LYN: variants seen among roughly 807,000 people sequenced by gnomAD.
LYN encodes the protein LYN proto-oncogene, Src family tyrosine kinase, also known as tyrosine-protein kinase Lyn.
LYN carries 12 observed loss-of-function variants against 65.0 expected under a neutral mutation model. The ratio of observed to expected loss-of-function variants is 0.18; its 90% CI spans 0.12 to 0.30. LYN has a LOEUF of 0.30. Ranked by LOEUF, LYN falls within the 10% of genes least tolerant of loss-of-function variation. LYN has a pLI of 1.00. For synonymous variants in LYN, 222 were observed against 221.2 expected, an observed-to-expected ratio of 1.00 and a Z score of -0.03; for missense variants, 380 against 623.2, an observed-to-expected ratio of 0.61 and a Z score of 4.16.
intron 8 of LYN, among the ~76,000 whole-genome samples, chr8:55,954,373 G>A (rs1047018991): frequency 1.3e-5 from 2 of 152,172 alleles, no homozygotes; most frequent in Non-Finnish European, 2.9e-5. Context: ...AAGCCTCAAT[G>A]TATTACAATT....
intron 8 of LYN, among the ~76,000 whole-genome samples, chr8:55,963,627 G>T (rs2130517626): frequency 6.6e-6 from 1 of 152,310 alleles, no homozygotes; most frequent in East Asian, 1.9e-4. Context: ...CTCGGCAGTG[G>T]TTTCTCATGA....
At chr8:55,955,741 C>T (rs1433275851) in intron 8 of LYN, among the ~76,000 whole-genome samples, 6 of 152,200 alleles carry the variant, frequency 3.9e-5, no homozygotes, top group Non-Finnish European at 8.8e-5. Flanking sequence ...TGAATTTAAC[C>T]ACTCTAGGTA....
chr8:55,884,245 C>T (rs1480523148), intron 1 of LYN, among the ~76,000 whole-genome samples: 1 of 152,136 alleles, frequency 6.6e-6, no homozygotes, highest in African/African-American at 2.4e-5. Context: ...GGATTACTTA[C>T]AAGCATGTGC....
chr8:55,969,844 TG>T, intron 10 of LYN, 51 bp downstream of exon 10: 1 of 1,434,484 alleles, frequency 7.0e-7, no homozygotes, highest in Non-Finnish European at 9.8e-7. Context: ...AAGACTTCCC[TG>T]CGTCAAATTC....
chr8:55,902,251 G>A (rs146937883), intron 1 of LYN, among the ~76,000 whole-genome samples: 28,052 of 151,508 alleles, frequency 0.19, 2,786 homozygotes, highest in Middle Eastern at 0.33. Flanking sequence ...CAGGTGATCT[G>A]CCCATTTTTG....
intron 12 of LYN, among the ~76,000 whole-genome samples, chr8:56,003,715 G>C (rs982679048): frequency 7.3e-5 from 11 of 151,154 alleles, no homozygotes; most frequent in African/African-American, 2.7e-4. Context: ...ACTTAGCTTT[G>C]TAAAATAAAA....
intron 9 of LYN, among the ~76,000 whole-genome samples, chr8:55,967,358 G>A (rs1457375119): frequency 3.8e-5 from 5 of 133,298 alleles, no homozygotes. Flanking sequence ...ACTGTTGCCC[G>A]GGCTGGAGTG....
intron 10 of LYN, among the ~76,000 whole-genome samples, chr8:55,970,969 G>A (rs1026052434): frequency 2.6e-5 from 4 of 152,230 alleles, no homozygotes; most frequent in Non-Finnish European, 5.9e-5. Context: ...ACGGACACAA[G>A]CACCTCAGAG....
At chr8:56,002,351 G>A (rs962421494) in intron 12 of LYN, among the ~76,000 whole-genome samples, 15 of 152,050 alleles carry the variant, frequency 9.9e-5, no homozygotes, top group African/African-American at 1.4e-4. Context: ...CCTGGGAGGC[G>A]GAGCTTGCAG....
rs1301994322 is a variant in LYN at position 55,947,698 on chromosome 8, G to A, written c.259G>A (p.Gly87Arg). ...CCCGGACGACTTGTCTTTCAAGAAAGGAGAGAAGATGAAAGTCCTGGAGGA... is the reference window on the plus strand; with the variant it reads ...CCCGGACGACTTGTCTTTCAAGAAAAGAGAGAAGATGAAAGTCCTGGAGGA... Reference protein sequence around the residue: ...IHPDDLSFKKGEKMKVLEEHG... With the variant: ...IHPDDLSFKKREKMKVLEEHG... Residue 87 changes from glycine (G) to arginine (R), a missense_variant, in exon 4 of 13, where the codon GGA becomes AGA. Coordinates refer to ENST00000519728, the MANE Select transcript of LYN (RefSeq NM_002350.4). 6.2e-6 allele frequency: 10 copies of A among 1,613,784 alleles called. No individual in the cohort carries two copies. Among genetic ancestry groups the A allele is most frequent in the Non-Finnish European group, 8.5e-6 (10 of 1,179,772 alleles).
intron 1 of LYN, among the ~76,000 whole-genome samples, chr8:55,889,548 G>T (rs1339436778): frequency 6.6e-6 from 1 of 152,172 alleles, no homozygotes; most frequent in Non-Finnish European, 1.5e-5. Flanking sequence ...GATAGTGGGT[G>T]GTTTGGGGGA....
At position 55,919,398 on chromosome 8, in the gene LYN, TTAATATAG is replaced by T. The variant is rs200715203; in HGVS notation, c.-5-22455_-5-22448del. Reference sequence around the variant, plus strand: ...GAGGAACATAAATATGAATGCTCTGTTAATATAGTGCTTTTCATAGAAATAATGGAATA... The same window carrying T: ...GAGGAACATAAATATGAATGCTCTGTTGCTTTTCATAGAAATAATGGAATA... On this transcript the variant is annotated intron_variant, in intron 1 of 12. Coordinates refer to ENST00000519728, the MANE Select transcript of LYN (RefSeq NM_002350.4). 8.2e-3 allele frequency among the ~76,000 whole-genome samples: 1,254 copies of T among 152,262 alleles called. 7 individuals carry two copies. Among genetic ancestry groups the T allele is most frequent in the Non-Finnish European group, 0.013 (918 of 68,016 alleles).
chr8:55,886,762 A>G (rs1470164928), intron 1 of LYN, among the ~76,000 whole-genome samples: 1 of 152,256 alleles, frequency 6.6e-6, no homozygotes, highest in Non-Finnish European at 1.5e-5. Flanking sequence ...CATAATAGAT[A>G]TACATAGTTT....
At chr8:55,965,590 C>G (rs553424193) in intron 8 of LYN, among the ~76,000 whole-genome samples, 1 of 152,188 alleles carries the variant, frequency 6.6e-6, no homozygotes, top group African/African-American at 2.4e-5. Flanking sequence ...TAAAATCGCT[C>G]GTAATCACAC....
rs140021610 is a variant in LYN at position 55,946,614 on chromosome 8, A to G, written c.178+121A>G. ...TGGGACATATATAACATAAAAATTT[A>G]CCCTCTTAACTATTTTTAAGTATAC... On this transcript the variant is annotated intron_variant, in intron 3 of 12. Coordinates refer to ENST00000519728, the MANE Select transcript of LYN (RefSeq NM_002350.4). 2,402 of 680,904 alleles carry G rather than the reference A, an allele frequency of 3.5e-3. 9 individuals are homozygous for G. The highest frequency in any genetic ancestry group is 4.7e-3 in the Non-Finnish European group (1,819 of 387,366). 42.2% of individuals were successfully genotyped at this position (680,904 alleles called of 1,614,324 possible). A position where few individuals can be genotyped will look rare whatever the true frequency, so the allele number is the denominator to read the frequency against.
chr8:55,942,405 G>GTA (rs999174216), intron 2 of LYN, among the ~76,000 whole-genome samples: 30 of 140,786 alleles, frequency 2.1e-4, no homozygotes, highest in African/African-American at 7.6e-4. Context: ...GTATATATGT[G>GTA]TATATATATG....
At chr8:55,994,673 T>C (rs2719242) in intron 10 of LYN, among the ~76,000 whole-genome samples, 45,147 of 152,090 alleles carry the variant, frequency 0.3, 7,735 homozygotes, top group African/African-American at 0.46. Flanking sequence ...TTGTCAACTG[T>C]GGTTTCAGGC....
At chr8:55,937,977 G>T (rs962201652) in intron 1 of LYN, among the ~76,000 whole-genome samples, 1 of 152,130 alleles carries the variant, frequency 6.6e-6, no homozygotes, top group Non-Finnish European at 1.5e-5. Flanking sequence ...GATTACACTT[G>T]TGAGCCACCA....
At chr8:55,997,475 C>G (rs753954053) in intron 10 of LYN, among the ~76,000 whole-genome samples, 10 of 152,128 alleles carry the variant, frequency 6.6e-5, no homozygotes, top group Non-Finnish European at 1.3e-4. Flanking sequence ...TCATAGATGG[C>G]ACCATATAGC....
Sources: allele counts gnomAD v4.1 joint callset (sites outside exome capture counted in the v4.1 genomes callset), GRCh38; gene constraint gnomAD v4.1.1; transcripts MANE v1.5; gene names NCBI Gene and HGNC (gene_info 2026-07-23, HGNC 2026-07-21).